The following TMC1 variants were observed in gnomAD, a reference collection of about 807,000 sequenced individuals.
The protein encoded by TMC1 is transmembrane channel like 1.
A neutral mutation model predicts 105.8 loss-of-function variants in TMC1; 84 were observed. The ratio of observed to expected loss-of-function variants is 0.79; its 90% CI spans 0.67 to 0.95. The LOEUF (loss-of-function observed/expected upper bound fraction) is 0.95, where lower values mean the gene tolerates loss of function less well. Ranked by LOEUF, TMC1 falls within the 40% of genes least tolerant of loss-of-function variation. The pLI is 0.00. For missense variants in TMC1, 817 were observed against 914.1 expected (o/e 0.89, Z 1.37); for synonymous variants, 315 against 311.5 (o/e 1.01, Z -0.12).
intron 20 of TMC1, among the ~76,000 whole-genome samples, chr9:72,823,238 T>G (rs1828902751): frequency 6.6e-6 from 1 of 152,160 alleles, no homozygotes; most frequent in African/African-American, 2.4e-5. Context: ...ATTGTTTATT[T>G]GTCTGGACTT....
chr9:72,738,189 T>C (rs558503092), intron 8 of TMC1, among the ~76,000 whole-genome samples: 4 of 152,150 alleles, frequency 2.6e-5, no homozygotes, highest in Non-Finnish European at 5.9e-5. Context: ...AGGAAACTGA[T>C]TTGGGAGTTC....
intron 8 of TMC1, among the ~76,000 whole-genome samples, chr9:72,723,493 A>G (rs1043651768): frequency 6.6e-6 from 1 of 152,160 alleles, no homozygotes; most frequent in Non-Finnish European, 1.5e-5. Context: ...TGCATCTTAC[A>G]TATTTCTATT....
intron 1 of TMC1, among the ~76,000 whole-genome samples, chr9:72,534,670 A>G (rs568552444): frequency 2.6e-5 from 4 of 152,316 alleles, no homozygotes; most frequent in African/African-American, 9.6e-5. Context: ...GGAATTCTAT[A>G]TATTTAGTTC....
chr9:72,793,100 G>A (rs899876163), intron 17 of TMC1, among the ~76,000 whole-genome samples: 1 of 152,176 alleles, frequency 6.6e-6, no homozygotes, highest in African/African-American at 2.4e-5. Context: ...GACACACAGA[G>A]CTATGTGGAG....
chr9:72,592,143 C>T (rs895002979), intron 2 of TMC1, among the ~76,000 whole-genome samples: 8 of 152,170 alleles, frequency 5.3e-5, no homozygotes, highest in African/African-American at 1.9e-4. Flanking sequence ...AACTCCAGGA[C>T]TCTTACAGTT....
At chr9:72,679,353 G>A (rs1183005887) in intron 5 of TMC1, among the ~76,000 whole-genome samples, 1 of 151,712 alleles carries the variant, frequency 6.6e-6, no homozygotes, top group Non-Finnish European at 1.5e-5. Context: ...AGGTCTATAG[G>A]CCCCTCTCTC....
Position 72,700,543 on chromosome 9 carries a change from G to A in TMC1, c.262G>A (p.Glu88Lys). 1 of 1,598,612 alleles carries A rather than the reference G, an allele frequency of 6.3e-7. No homozygotes were observed. Among genetic ancestry groups the A allele is most frequent in the Non-Finnish European group, 8.6e-7 (1 of 1,169,538 alleles). ...AGAAGAAGAAGAAATTGATGAAGAGGAATTGGAAAGATTGAAGGCAGAGTT... is the reference window on the plus strand; with the variant it reads ...AGAAGAAGAAGAAATTGATGAAGAGAAATTGGAAAGATTGAAGGCAGAGTT... ...GAEEEEIDEE[E>K]LERLKAELDE... The change falls in exon 8 of 24, where the codon GAA (glutamate) becomes AAA (lysine). Residue 88 changes from glutamate to lysine, a missense_variant. Coordinates refer to ENST00000297784, the MANE Select transcript of TMC1 (RefSeq NM_138691.3).
Position 72,826,603 on chromosome 9 carries a change from C to G in TMC1, c.2004-266C>G, listed in dbSNP as rs554844268. On this transcript the variant is annotated intron_variant, in intron 20 of 23. Coordinates refer to ENST00000297784, the MANE Select transcript of TMC1 (RefSeq NM_138691.3). ...TATTTCAATCAAAATCTTAGAAATA[C>G]AGTTTTTAAAAATCTTCTCCTAAAT... Among the ~76,000 whole-genome samples, 10 of 152,254 alleles carry G rather than the reference C, an allele frequency of 6.6e-5. No individual in the cohort carries two copies. In the East Asian group the frequency reaches 1.4e-3, roughly 21 times the overall value.
chr9:72,679,146 AATGC>A (rs1826250839), intron 5 of TMC1, among the ~76,000 whole-genome samples: 1 of 152,088 alleles, frequency 6.6e-6, no homozygotes, highest in Non-Finnish European at 1.5e-5. Flanking sequence ...TACTTATGAC[AATGC>A]ATGTCTCCCA....
chr9:72,652,165 C>G (rs1825823990), intron 5 of TMC1, among the ~76,000 whole-genome samples: 1 of 152,062 alleles, frequency 6.6e-6, no homozygotes, highest in South Asian at 2.1e-4. Flanking sequence ...ATTAGTGATG[C>G]TGAACATCTT....
chr9:72,764,673 A>C (rs912523224), intron 12 of TMC1, among the ~76,000 whole-genome samples: 2 of 152,216 alleles, frequency 1.3e-5, no homozygotes, highest in African/African-American at 4.8e-5. Context: ...CAGAAGAATA[A>C]AAAAAGTTGG....
intron 8 of TMC1, among the ~76,000 whole-genome samples, chr9:72,708,095 G>A (rs766049907): frequency 2.0e-5 from 3 of 152,038 alleles, no homozygotes; most frequent in African/African-American, 4.8e-5. Flanking sequence ...TTTATTTCTG[G>A]GTTCTCTATT....
At chr9:72,705,523 GC>G (rs1826723436) in intron 8 of TMC1, among the ~76,000 whole-genome samples, 1 of 152,170 alleles carries the variant, frequency 6.6e-6, no homozygotes, top group African/African-American at 2.4e-5. Context: ...GAGCTACTGG[GC>G]CACAATGCCG....
intron 20 of TMC1, among the ~76,000 whole-genome samples, chr9:72,821,696 C>T (rs77199378): frequency 0.012 from 1,806 of 152,244 alleles, 13 homozygotes; most frequent in Non-Finnish European, 0.019. Flanking sequence ...TAGAGGATAG[C>T]TAAGAGCAAG....
intron 18 of TMC1, among the ~76,000 whole-genome samples, chr9:72,813,544 G>A (rs896974627): frequency 6.6e-6 from 1 of 152,156 alleles, no homozygotes; most frequent in African/African-American, 2.4e-5. Flanking sequence ...TTGCTGTAAA[G>A]GGCTAGATAG....
At chr9:72,646,899 T>G (rs1825721685) in intron 4 of TMC1, among the ~76,000 whole-genome samples, 1 of 152,078 alleles carries the variant, frequency 6.6e-6, no homozygotes, top group Non-Finnish European at 1.5e-5. Context: ...AATCCCACTC[T>G]GGGAGGCTGA....
At chr9:72,757,607 A>G (rs1827693612) in intron 12 of TMC1, among the ~76,000 whole-genome samples, 1 of 152,226 alleles carries the variant, frequency 6.6e-6, no homozygotes, top group South Asian at 2.1e-4. Context: ...ACACCTGTAC[A>G]TATAGCCTGA....
At chr9:72,696,898 G>A (rs1040358677) in intron 7 of TMC1, among the ~76,000 whole-genome samples, 1 of 152,138 alleles carries the variant, frequency 6.6e-6, no homozygotes, top group Non-Finnish European at 1.5e-5. Context: ...TTTAGATGAG[G>A]CATGCCTATG....
At chr9:72,747,536 A>G (rs1025702084) in intron 10 of TMC1, among the ~76,000 whole-genome samples, 3 of 152,242 alleles carry the variant, frequency 2.0e-5, no homozygotes, top group African/African-American at 7.2e-5. Context: ...ATGCTTAAGC[A>G]TAAAGCCTCA....
Sources: gnomAD v4.1 joint callset for allele counts (sites outside exome capture counted in the v4.1 genomes callset) on GRCh38, gnomAD v4.1.1 for gene constraint, MANE v1.5 for transcripts, NCBI Gene and HGNC (gene_info 2026-07-23, HGNC 2026-07-21) for gene names.